GLYCTK: variants seen among roughly 807,000 people sequenced by gnomAD.
GLYCTK encodes glycerate kinase.
A neutral mutation model predicts 24.8 loss-of-function variants in GLYCTK; 22 were observed. That is an observed-to-expected ratio of 0.89 (90% confidence interval 0.63 to 1.27). The LOEUF (loss-of-function observed/expected upper bound fraction) is 1.27. GLYCTK is among the 50% of genes most tolerant of loss of function. GLYCTK has a pLI of 0.00. For synonymous variants in GLYCTK, 320 were observed against 297.2 expected, an observed-to-expected ratio of 1.08 and a Z score of -0.79; for missense variants, 684 against 686.7, an observed-to-expected ratio of 1.00 and a Z score of 0.04.
chr3:52,290,933 C>T (rs2153220874), intron 2 of GLYCTK, 27 bp from the exon 3 acceptor site: 2 of 1,613,920 alleles, frequency 1.2e-6, no homozygotes, highest in South Asian at 2.2e-5. Context: ...CACCCCATCT[C>T]TTGCGTGCTG....
chr3:52,292,453 C>T lies in GLYCTK; in HGVS notation c.899C>T (p.Thr300Ile). Residue 300 changes from threonine to isoleucine, a missense_variant, in exon 5 of 5, where the codon ACC becomes ATC. By Grantham distance (89) the Thr-to-Ile change is moderately conservative (BLOSUM62 -1). Coordinates refer to ENST00000436784, the MANE Select transcript of GLYCTK (RefSeq NM_145262.4). ...GACTCTGACCCCCATGGGCCACACACCTGTGGCCATGTCCTGAATGTGATC... is the reference window on the plus strand; with the variant it reads ...GACTCTGACCCCCATGGGCCACACATCTGTGGCCATGTCCTGAATGTGATC... ...RADSDPHGPH[T>I]CGHVLNVIIG... The T allele has an allele frequency of 6.2e-7, 1 of 1,612,942 alleles. No homozygotes were observed. Among genetic ancestry groups the T allele is most frequent in the East Asian group, 2.2e-5 (1 of 44,880 alleles).
intron 3 of GLYCTK, chr3:52,291,508 C>G (rs1169432639): frequency 1.2e-5 from 7 of 590,752 alleles, no homozygotes; most frequent in Non-Finnish European, 2.1e-5. Flanking sequence ...GCCTCCTGTT[C>G]TAGTCTCTTA....
chr3:52,289,193 A>G (rs1314559518), intron 1 of GLYCTK: 2 of 152,364 alleles, frequency 1.3e-5, no homozygotes, highest in East Asian at 3.9e-4. Context: ...TGCTCAGTCC[A>G]TACTTGCTGA....
rs1445621309 is a variant in GLYCTK, at chr3:52,294,655, T to C, written c.*1529T>C. 5 of 446,420 alleles carry C rather than the reference T, an allele frequency of 1.1e-5. No individual in the cohort carries two copies. The highest frequency in any genetic ancestry group is 2.0e-5 in the African/African-American group (1 of 49,802). 27.7% of individuals were successfully genotyped at this position (446,420 alleles called of 1,614,324 possible). A position where few individuals can be genotyped will look rare whatever the true frequency, so the allele number is the denominator to read the frequency against. The stretch of plus-strand genomic sequence containing the variant: ...ACTAGGGTCACAGTCTCTGGGGTTA[T>C]GGTGATCCTCGCATGATCCTGTGCC... On this transcript the variant is annotated 3_prime_UTR_variant, in exon 5 of 5. Transcript: ENST00000436784.
chr3:52,292,750 G>A lies in GLYCTK; in HGVS notation c.1196G>A (p.Arg399Lys). The change falls in exon 5 of 5, where the codon AGG becomes AAG. Residue 399 changes from arginine to lysine, a missense_variant. By Grantham distance (26) the Arg-to-Lys change is conservative. Coordinates refer to ENST00000436784, the MANE Select transcript of GLYCTK (RefSeq NM_145262.4). ...EEALETMAWG[R>K]GPVCLLAGGE... Reference sequence around the variant, plus strand: ...GCTCTGGAGACCATGGCATGGGGAAGGGGCCCAGTCTGCCTGCTGGCTGGT... The same window carrying A: ...GCTCTGGAGACCATGGCATGGGGAAAGGGCCCAGTCTGCCTGCTGGCTGGT... The A allele has an allele frequency of 1.9e-6, 3 of 1,608,416 alleles. No individual in the cohort carries two copies. The highest frequency in any genetic ancestry group is 2.5e-6 in the Non-Finnish European group (3 of 1,177,092).
Position 52,293,319 on chromosome 3 carries a change from A to T in GLYCTK, c.*193A>T, listed in dbSNP as rs572056020. The stretch of plus-strand genomic sequence containing the variant: ...TATTCCCTTCCAGCCAGACTGGCAG[A>T]TGGGGGCTTCCCCCTACCCCTGAGG... On this transcript the variant is annotated 3_prime_UTR_variant, in exon 5 of 5. Transcript: ENST00000436784. 1.4e-6 allele frequency: 1 copy of T among 720,122 alleles called. No individual in the cohort carries two copies. The highest frequency in any genetic ancestry group is 2.0e-5 in the Admixed American group (1 of 49,926). 44.6% of individuals were successfully genotyped at this position (720,122 alleles called of 1,614,324 possible).
Position 52,290,692 on chromosome 3 carries a change from G to A in GLYCTK, c.350G>A (p.Arg117His), listed in dbSNP as rs753814326. The change falls in exon 2 of 5, where the codon CGT becomes CAT. Residue 117 changes from arginine to histidine, a missense_variant. Coordinates refer to ENST00000436784, the MANE Select transcript of GLYCTK (RefSeq NM_145262.4). ...GTGATCAGCGTTCCCAAGGGGATCC[G>A]TGCTGCCATGGAGCGTGCCGGCAAG... ...QGVISVPKGI[R>H]AAMERAGKQE... 36 of 1,613,022 alleles carry A rather than the reference G, an allele frequency of 2.2e-5. No individual in the cohort carries two copies. Among genetic ancestry groups the A allele is most frequent in the Admixed American group, 2.0e-4 (12 of 59,984 alleles).
intron 1 of GLYCTK, among the ~76,000 whole-genome samples, chr3:52,288,411 C>T (rs1355106316): frequency 1.3e-5 from 2 of 152,014 alleles, no homozygotes; most frequent in African/African-American, 4.8e-5. Context: ...GGTTTCACCA[C>T]GTTGGTCAGG....
chr3:52,291,585 T>C, intron 3 of GLYCTK, 162 bp from the exon 4 acceptor site: 1 of 658,834 alleles, frequency 1.5e-6, no homozygotes, highest in Non-Finnish European at 2.6e-6. Flanking sequence ...CAACCTCAGG[T>C]GGCCAGGATG....
At chr3:52,287,977 C>T (rs925298694) in intron 1 of GLYCTK, 101 bp downstream of exon 1, 3 of 351,086 alleles carry the variant, frequency 8.5e-6, no homozygotes, top group Admixed American at 3.2e-5. Flanking sequence ...CTCGCATCAC[C>T]GGGCATTACG....
rs779434425 is a variant in GLYCTK at position 52,291,576 on chromosome 3, A to C, written c.530-171A>C. 155 of 639,546 alleles carry C rather than the reference A, an allele frequency of 2.4e-4. 1 individual carries two copies. Among genetic ancestry groups the C allele is most frequent in the Admixed American group, 4.8e-4 (17 of 35,500 alleles). The allele number at this position is 639,546 out of a possible 1,614,324, so 39.6% of individuals were successfully genotyped here. ...ACCTGGGGTACCCCAAGGCAGGGGC[A>C]ACCTCAGGTGGCCAGGATGTGGTGA... On this transcript the variant is annotated intron_variant, in intron 3 of 4. Transcript: ENST00000436784.
rs1700453930 is a variant in GLYCTK, at chr3:52,291,093, C to T, written c.511C>T (p.Leu171=). Residue 171 remains leucine (L), a synonymous_variant, in exon 3 of 5, where the codon CTG becomes TTG. Transcript: ENST00000436784. ...TGAGGGACTCACAGCTGATGACCTG[C>T]TGCTCGTGCTGATCTCAGGTGTGGT... is the stretch of plus-strand genomic sequence containing the variant. ...LAEGLTADDL[L]LVLISGGGSA... 6.2e-7 allele frequency: 1 copy of T among 1,611,424 alleles called. No homozygotes were observed. The highest frequency in any genetic ancestry group is 1.3e-5 in the African/African-American group (1 of 74,932).
Position 52,292,642 on chromosome 3 carries a change from T to C in GLYCTK, c.1088T>C (p.Met363Thr). 6.2e-7 allele frequency: 1 copy of C among 1,608,058 alleles called. No individual in the cohort carries two copies. Among genetic ancestry groups the C allele is most frequent in the Non-Finnish European group, 8.5e-7 (1 of 1,175,616 alleles). Residue 363 changes from methionine (M) to threonine (T), a missense_variant, in exon 5 of 5, where the codon ATG (methionine) becomes ACG (threonine). By Grantham distance (81) the Met-to-Thr change is moderately conservative (BLOSUM62 -1). Coordinates refer to ENST00000436784, the MANE Select transcript of GLYCTK (RefSeq NM_145262.4). ...HVARTRLTPS[M>T]AGASVEEDAQ... is the part of the protein sequence containing the mutation. ...GCTAGAACCCGCCTCACCCCATCCA[T>C]GGCTGGGGCTTCTGTGGAGGAAGAT...
Position 52,293,397 on chromosome 3 carries a change from A to T in GLYCTK, c.*271A>T. Reference sequence around the variant, plus strand: ...GCGTTCCCGTGCTTCTCCCTTGGGCAGCCTCTCTCTTGAGCCCCTCACCCT... The same window carrying T: ...GCGTTCCCGTGCTTCTCCCTTGGGCTGCCTCTCTCTTGAGCCCCTCACCCT... On this transcript the variant is annotated 3_prime_UTR_variant, in exon 5 of 5. Transcript: ENST00000436784. 3 of 670,192 alleles carry T rather than the reference A, an allele frequency of 4.5e-6. No individual in the cohort carries two copies. The highest frequency in any genetic ancestry group is 8.2e-6 in the Non-Finnish European group (3 of 364,220). 41.5% of individuals were successfully genotyped at this position (670,192 alleles called of 1,614,324 possible).
Position 52,293,336 on chromosome 3 carries a change from C to G in GLYCTK, c.*210C>G. 1 of 706,610 alleles carries G rather than the reference C, an allele frequency of 1.4e-6. No homozygotes were observed. The highest frequency in any genetic ancestry group is 1.5e-5 in the South Asian group (1 of 66,884). The allele number at this position is 706,610 out of a possible 1,614,324, so 43.8% of individuals were successfully genotyped here. A position where few individuals can be genotyped will look rare whatever the true frequency, so the allele number is the denominator to read the frequency against. ...ACTGGCAGATGGGGGCTTCCCCCTA[C>G]CCCTGAGGATGAGGACAAGCCCCTC... On this transcript the variant is annotated 3_prime_UTR_variant, in exon 5 of 5. Coordinates refer to ENST00000436784, the MANE Select transcript of GLYCTK (RefSeq NM_145262.4).
chr3:52,288,307 T>C (rs78172884), intron 1 of GLYCTK, among the ~76,000 whole-genome samples: 3 of 152,150 alleles, frequency 2.0e-5, no homozygotes, highest in Non-Finnish European at 2.9e-5. Context: ...CCGCCTCCCC[T>C]GTTCAAATGA....
rs773278880 is a variant in GLYCTK at position 52,292,992 on chromosome 3, A to G, written c.1438A>G (p.Ile480Val). 4 of 1,614,064 alleles carry G rather than the reference A, an allele frequency of 2.5e-6. No homozygotes were observed. Among genetic ancestry groups the G allele is most frequent in the East Asian group, 2.2e-5 (1 of 44,896 alleles). Residue 480 changes from isoleucine to valine, a missense_variant, in exon 5 of 5, where the codon ATA becomes GTA. Ile to Val is a conservative substitution (Grantham distance 29, BLOSUM62 3). Coordinates refer to ENST00000436784, the MANE Select transcript of GLYCTK (RefSeq NM_145262.4). The stretch of plus-strand genomic sequence containing the variant: ...CCAGGCTGCAGCTGAGGGCCTGGAC[A>G]TAGCCACCTTCCTAGCCCACAATGA... ...ASQAAAEGLD[I>V]ATFLAHNDSH...
In GLYCTK at chr3:52,287,857, G is replaced by T. The variant is rs1314112936; in HGVS notation, c.-59G>T. 2.2e-6 allele frequency: 1 copy of T among 452,442 alleles called. No individual in the cohort carries two copies. The highest frequency in any genetic ancestry group is 4.4e-6 in the Non-Finnish European group (1 of 225,826). 28.0% of individuals were successfully genotyped at this position (452,442 alleles called of 1,614,324 possible). ...CTTCCGTTCTCCAGCGCTGGGCACC[G>T]CGGCCGGAGCTGTGGGCTGGTAAGT... On this transcript the variant is annotated 5_prime_UTR_variant, in exon 1 of 5. Transcript: ENST00000436784.
chr3:52,291,235 G>T, intron 3 of GLYCTK, 124 bp downstream of exon 3: 1 of 1,238,962 alleles, frequency 8.1e-7, no homozygotes, highest in Non-Finnish European at 1.1e-6. Context: ...GGGAGGTGGT[G>T]AGGAGCCTGG....
Sources: allele counts gnomAD v4.1 joint callset (sites outside exome capture counted in the v4.1 genomes callset), GRCh38; gene constraint gnomAD v4.1.1; transcripts MANE v1.5; gene names NCBI Gene and HGNC (gene_info 2026-07-23, HGNC 2026-07-21).